The following FYCO1 variants were observed in gnomAD, a reference collection of about 807,000 sequenced individuals.
FYCO1 encodes the protein FYVE and coiled-coil domain-containing protein 1.
Under a neutral mutation model 165.1 loss-of-function variants are expected in FYCO1, and 122 were observed. That is an observed-to-expected ratio of 0.74 (90% CI 0.64 to 0.86). The LOEUF (loss-of-function observed/expected upper bound fraction) is 0.86, where lower values mean the gene tolerates loss of function less well. FYCO1 is among the 40% of genes least tolerant of loss of function. The pLI is 0.00. For synonymous variants in FYCO1, 648 were observed against 742.5 expected, an observed-to-expected ratio of 0.87 and a Z score of 2.07; for missense variants, 1,702 against 1,810.3, an observed-to-expected ratio of 0.94 and a Z score of 1.09.
intron 14 of FYCO1, among the ~76,000 whole-genome samples, chr3:45,937,332 C>A (rs1222880123): frequency 6.6e-6 from 1 of 152,242 alleles, no homozygotes; most frequent in African/African-American, 2.4e-5. Context: ...CTGAAACAAT[C>A]TGTGCTCTTC....
chr3:45,922,414 G>C (rs1464346422), intron 17 of FYCO1, among the ~76,000 whole-genome samples: 1 of 152,192 alleles, frequency 6.6e-6, no homozygotes, highest in East Asian at 1.9e-4. Flanking sequence ...CCACAGTGTG[G>C]TTGCCACTGC....
intron 1 of FYCO1, among the ~76,000 whole-genome samples, chr3:45,995,325 G>A (rs979459549): frequency 2.6e-5 from 4 of 152,354 alleles, no homozygotes; most frequent in African/African-American, 9.6e-5. Flanking sequence ...CTGGGCCAGA[G>A]ACTAAACTTC....
In FYCO1 at chr3:45,981,629, T is replaced by G; in HGVS notation, c.103A>C (p.Ile35Leu). The change falls in exon 3 of 18, where the codon ATC becomes CTC. Residue 35 changes from isoleucine to leucine, a missense_variant. Coordinates refer to ENST00000296137, the MANE Select transcript of FYCO1 (RefSeq NM_024513.4). ...SKEFQEAGEP[I>L]TDDSTSLHKF... is the part of the protein sequence containing the mutation. ...TGCAAGCTGGTGCTGTCATCCGTGA[T>G]GGGTTCCCCTGCTTCCTGAAATTCT... 1 of 1,614,154 alleles carries G rather than the reference T, an allele frequency of 6.2e-7. No homozygotes were observed. Among genetic ancestry groups the G allele is most frequent in the Non-Finnish European group, 8.5e-7 (1 of 1,179,948 alleles).
chr3:45,991,171 C>A (rs1034266178), intron 1 of FYCO1, among the ~76,000 whole-genome samples: 1 of 152,180 alleles, frequency 6.6e-6, no homozygotes, highest in Non-Finnish European at 1.5e-5. Flanking sequence ...TAAAATAATG[C>A]ACTTAAAACA....
intron 8 of FYCO1, 67 bp from the exon 9 acceptor site, chr3:45,965,192 C>A: frequency 8.2e-7 from 1 of 1,220,156 alleles, no homozygotes; most frequent in Non-Finnish European, 1.2e-6. Flanking sequence ...CCTCAGCCCC[C>A]TCACCCAAAC....
intron 16 of FYCO1, among the ~76,000 whole-genome samples, chr3:45,929,366 G>A (rs6778112): frequency 0.012 from 1,797 of 152,306 alleles, 45 homozygotes; most frequent in African/African-American, 0.04. Context: ...GACTCGGTGG[G>A]TAGGGACTGA....
At chr3:45,942,164 C>CCCCTGG (rs2125814661) in intron 14 of FYCO1, among the ~76,000 whole-genome samples, 1 of 152,312 alleles carries the variant, frequency 6.6e-6, no homozygotes, top group African/African-American at 2.4e-5. Context: ...TTATCAGGGC[C>CCCCTGG]CCCTGGCACA....
Position 45,968,009 on chromosome 3 carries a change from C to A in FYCO1, c.1325G>T (p.Arg442Leu). Residue 442 changes from arginine to leucine, a missense_variant, in exon 8 of 18, where the codon CGG becomes CTG. Coordinates refer to ENST00000296137, the MANE Select transcript of FYCO1 (RefSeq NM_024513.4). ...VKELQLKEDA[R>L]ASLERLVKEM... ...CTTCACCAGGCGCTCCAGGCTGGCC[C>A]GGGCATCCTCTTTCAGCTGAAGCTC... 6.2e-7 allele frequency: 1 copy of A among 1,614,084 alleles called. No individual in the cohort carries two copies. The highest frequency in any genetic ancestry group is 1.7e-5 in the Admixed American group (1 of 60,026).
chr3:45,962,406 G>C lies in FYCO1; in HGVS notation c.3270-14C>G. On this transcript the variant is annotated splice_polypyrimidine_tract_variant and intron_variant, in intron 10 of 17. Transcript: ENST00000296137. The surrounding 1 kb of genome is among the most constrained non-coding windows in gnomAD (Gnocchi z 4.4). ...TCCTTCTGGGTCCTGGGGGAGGAGTGGTAAGTTTTCTTGATTAGCCAGGAC... is the reference window on the plus strand; with the variant it reads ...TCCTTCTGGGTCCTGGGGGAGGAGTCGTAAGTTTTCTTGATTAGCCAGGAC... The C allele has an allele frequency of 6.2e-7, 1 of 1,613,652 alleles. No homozygotes were observed. Among genetic ancestry groups the C allele is most frequent in the East Asian group, 2.2e-5 (1 of 44,864 alleles).
intron 6 of FYCO1, 150 bp downstream of exon 6, chr3:45,972,938 C>T: frequency 1.2e-6 from 1 of 821,366 alleles, no homozygotes; most frequent in Non-Finnish European, 2.0e-6. Context: ...CATGATTCAA[C>T]AAAGTCTGTA....
At position 45,964,626 on chromosome 3, in the gene FYCO1, AACTG is replaced by A; in HGVS notation, c.3151-176_3151-173del. On this transcript the variant is annotated intron_variant, in intron 9 of 17. Coordinates refer to ENST00000296137, the MANE Select transcript of FYCO1 (RefSeq NM_024513.4). The surrounding 1 kb of genome is among the most constrained non-coding windows in gnomAD (Gnocchi z 4.1). ...CTCTGCTCTATATTTGTGGGGCCTC[AACTG>A]CAACTAGTTGTGGTGGTTGGCAAGT... is the stretch of plus-strand genomic sequence containing the variant. 2.3e-6 allele frequency: 2 copies of A among 851,090 alleles called. No individual in the cohort carries two copies. Among genetic ancestry groups the A allele is most frequent in the Non-Finnish European group, 1.4e-6 (1 of 707,274 alleles). 52.7% of individuals were successfully genotyped at this position (851,090 alleles called of 1,614,324 possible).
rs953630284 is a variant in FYCO1 at position 45,993,949 on chromosome 3, T to G, written c.-113+1773A>C. 9.2e-5 allele frequency among the ~76,000 whole-genome samples: 14 copies of G among 152,256 alleles called. No individual in the cohort carries two copies. The East Asian group carries it at 2.5e-3, about 27-fold the overall frequency. ...GGTGAGGGGGCTGCCATTTCTTGCG[T>G]ACCTACTTTGTATTCTTGAGTCAGC... On this transcript the variant is annotated intron_variant, in intron 1 of 17. Transcript: ENST00000296137. The surrounding 1 kb of genome is among the most constrained non-coding windows in gnomAD (Gnocchi z 4.4).
At chr3:45,976,892 C>T (rs920949656) in intron 4 of FYCO1, among the ~76,000 whole-genome samples, 7 of 152,176 alleles carry the variant, frequency 4.6e-5, no homozygotes, top group African/African-American at 1.7e-4. Flanking sequence ...TAAGACATTT[C>T]CCCATGTATG....
chr3:45,992,095 G>C (rs2125883118), intron 1 of FYCO1, among the ~76,000 whole-genome samples: 1 of 152,350 alleles, frequency 6.6e-6, no homozygotes, highest in Admixed American at 6.5e-5. Context: ...CTCCAGAACT[G>C]TAAGAAAGTA....
At chr3:45,981,893 G>C (rs1291433041) in intron 2 of FYCO1, among the ~76,000 whole-genome samples, 1 of 152,142 alleles carries the variant, frequency 6.6e-6, no homozygotes, top group East Asian at 1.9e-4. Flanking sequence ...TTGTTGACTG[G>C]GCACATTTCT....
At position 45,968,535 on chromosome 3, in the gene FYCO1, C is replaced by G. The variant is rs1559461455; in HGVS notation, c.799G>C (p.Val267Leu). 6.2e-7 allele frequency: 1 copy of G among 1,614,018 alleles called. No homozygotes were observed. Among genetic ancestry groups the G allele is most frequent in the Admixed American group, 1.7e-5 (1 of 60,032 alleles). The change falls in exon 8 of 18, where the codon GTC becomes CTC. Residue 267 changes from valine (V) to leucine (L), a missense_variant. By Grantham distance (32) the Val-to-Leu change is conservative (BLOSUM62 1). Transcript: ENST00000296137. Reference sequence around the variant, plus strand: ...TGCAGTTGCTCCCCTTGCTGGCTGACAGCTGCCCTCAGCTCCTGGTTCTCT... The same window carrying G: ...TGCAGTTGCTCCCCTTGCTGGCTGAGAGCTGCCCTCAGCTCCTGGTTCTCT... ...DRENQELRAA[V>L]SQQGEQLQTE...
At chr3:45,981,224 T>C (rs1392595020) in intron 3 of FYCO1, among the ~76,000 whole-genome samples, 2 of 152,250 alleles carry the variant, frequency 1.3e-5, no homozygotes, top group East Asian at 3.8e-4. Flanking sequence ...AATGTCTTTT[T>C]GGGAAGACTC....
At position 45,962,509 on chromosome 3, in the gene FYCO1, C is replaced by G; in HGVS notation, c.3270-117G>C. The G allele has an allele frequency of 1.1e-6, 1 of 910,742 alleles. No individual in the cohort carries two copies. The highest frequency in any genetic ancestry group is 1.7e-5 in the Admixed American group (1 of 57,728). The allele number at this position is 910,742 out of a possible 1,614,324, so 56.4% of individuals were successfully genotyped here. A position where few individuals can be genotyped will look rare whatever the true frequency, so the allele number is the denominator to read the frequency against. ...ACTGCCCTCCGCCATGGGGGAGCCC[C>G]TTGGTATCTGCTCACAGCTTATGCA... is the stretch of plus-strand genomic sequence containing the variant. On this transcript the variant is annotated intron_variant, in intron 10 of 17. Transcript: ENST00000296137. This position sits in a 1 kb window ranked among gnomAD's most constrained non-coding sequence, Gnocchi z 4.4.
At position 45,920,875 on chromosome 3, in the gene FYCO1, C is replaced by T; in HGVS notation, c.*890G>A. ...TCTTATTTATATAAACAAAAGTGGG[C>T]CATCAGCTGAGGAGTAGCTCTAAAG... On this transcript the variant is annotated 3_prime_UTR_variant, in exon 18 of 18. Coordinates refer to ENST00000296137, the MANE Select transcript of FYCO1 (RefSeq NM_024513.4). 6.5e-6 allele frequency: 1 copy of T among 152,712 alleles called. No individual in the cohort carries two copies. The highest frequency in any genetic ancestry group is 1.5e-5 in the Non-Finnish European group (1 of 68,034). The allele number at this position is 152,712 out of a possible 1,614,324, so 9.5% of individuals were successfully genotyped here. A position where few individuals can be genotyped will look rare whatever the true frequency, so the allele number is the denominator to read the frequency against.
Sources: allele counts gnomAD v4.1 joint callset (sites outside exome capture counted in the v4.1 genomes callset), GRCh38; gene constraint gnomAD v4.1.1; non-coding constraint Gnocchi (gnomAD v3.1); transcripts MANE v1.5; gene names NCBI Gene and HGNC (gene_info 2026-07-23, HGNC 2026-07-21).